The following CSMD2 variants were observed in gnomAD, a reference collection of about 807,000 sequenced individuals.
CSMD2 encodes CUB and sushi domain-containing protein 2.
A neutral mutation model predicts 398.5 loss-of-function variants in CSMD2; 130 were observed. The observed-to-expected ratio is 0.33, with a 90% CI of 0.28 to 0.38. The LOEUF (loss-of-function observed/expected upper bound fraction) is 0.38, where lower values mean the gene tolerates loss of function less well. CSMD2 is among the 10% of genes least tolerant of loss of function. The pLI is 1.00. For synonymous variants in CSMD2, 1,828 were observed against 1,908.5 expected, an observed-to-expected ratio of 0.96 and a Z score of 1.10; for missense variants, 3,829 against 4,764.9, an observed-to-expected ratio of 0.80 and a Z score of 5.78.
chr1:34,074,956 G>A (rs757435931), intron 2 of CSMD2, among the ~76,000 whole-genome samples: 1 of 152,198 alleles, frequency 6.6e-6, no homozygotes, highest in African/African-American at 2.4e-5. Context: ...CCCCCAAGGC[G>A]AGGTCAGGTT....
At chr1:33,714,198 T>C (rs1646084932) in intron 21 of CSMD2, among the ~76,000 whole-genome samples, 1 of 152,196 alleles carries the variant, frequency 6.6e-6, no homozygotes, top group East Asian at 1.9e-4. Flanking sequence ...GCAAAGGTCA[T>C]ATACCCCTCC....
intron 9 of CSMD2, among the ~76,000 whole-genome samples, chr1:33,816,146 T>C (rs2124981689): frequency 6.6e-6 from 1 of 152,300 alleles, no homozygotes; most frequent in Middle Eastern, 3.4e-3. Flanking sequence ...AGTCGGAACT[T>C]TAACTTAGGT....
At chr1:33,593,102 A>G (rs779446627) in intron 44 of CSMD2, among the ~76,000 whole-genome samples, 4 of 152,258 alleles carry the variant, frequency 2.6e-5, no homozygotes, top group Non-Finnish European at 5.9e-5. Flanking sequence ...TAATAAATAT[A>G]TACCACATGT....
At chr1:33,606,879 C>T (rs768895826) in intron 41 of CSMD2, among the ~76,000 whole-genome samples, 2 of 152,144 alleles carry the variant, frequency 1.3e-5, no homozygotes, top group Non-Finnish European at 2.9e-5. Context: ...GAGCCTGTTC[C>T]CCTGCAAGAA....
chr1:33,725,651 G>T, intron 16 of CSMD2, 115 bp from the exon 17 acceptor site: 1 of 884,500 alleles, frequency 1.1e-6, no homozygotes, highest in Non-Finnish European at 1.8e-6. Flanking sequence ...GGCAGGCTGG[G>T]ATCTTTTAAT....
intron 3 of CSMD2, among the ~76,000 whole-genome samples, chr1:34,010,688 G>A (rs575118049): frequency 7.3e-5 from 11 of 151,646 alleles, no homozygotes; most frequent in Middle Eastern, 3.4e-3. Context: ...GCACGATCTC[G>A]GCTCACTGCA....
At chr1:34,063,538 T>C (rs976728422) in intron 2 of CSMD2, among the ~76,000 whole-genome samples, 2 of 152,178 alleles carry the variant, frequency 1.3e-5, no homozygotes. Flanking sequence ...CTCCTTTGAC[T>C]CCATGTCTCA....
intron 22 of CSMD2, among the ~76,000 whole-genome samples, chr1:33,703,799 G>A (rs892972249): frequency 5.3e-5 from 8 of 152,156 alleles, no homozygotes; most frequent in Non-Finnish European, 8.8e-5. Context: ...CACCAGCAAC[G>A]TCTGACAGCT....
At chr1:33,670,148 T>A (rs1312178052) in intron 25 of CSMD2, among the ~76,000 whole-genome samples, 1 of 152,166 alleles carries the variant, frequency 6.6e-6, no homozygotes, top group Admixed American at 6.5e-5. Context: ...TCCACAGGCT[T>A]CTCCTTGTCC....
At chr1:33,557,497 C>G (rs187923624) in intron 55 of CSMD2, among the ~76,000 whole-genome samples, 15 of 152,178 alleles carry the variant, frequency 9.9e-5, no homozygotes, top group Non-Finnish European at 1.9e-4. Flanking sequence ...AGGCCTCTAG[C>G]TAGGAAAGTG....
At chr1:34,111,475 T>C (rs981604425) in intron 1 of CSMD2, among the ~76,000 whole-genome samples, 9 of 152,230 alleles carry the variant, frequency 5.9e-5, no homozygotes, top group Non-Finnish European at 8.8e-5. Flanking sequence ...TGCCACAGGA[T>C]GCATGTGTCA....
chr1:33,796,793 A>G (rs1655001583), intron 10 of CSMD2, among the ~76,000 whole-genome samples: 1 of 152,224 alleles, frequency 6.6e-6, no homozygotes, highest in African/African-American at 2.4e-5. Flanking sequence ...ATGTGCAAGT[A>G]GGGAAGATAT....
intron 56 of CSMD2, among the ~76,000 whole-genome samples, chr1:33,548,197 C>A (rs1657092382): frequency 6.6e-6 from 1 of 152,108 alleles, no homozygotes; most frequent in African/African-American, 2.4e-5. Flanking sequence ...AATTACCAGG[C>A]TCAGGTATGT....
At chr1:34,035,608 C>T (rs1333878105) in intron 2 of CSMD2, among the ~76,000 whole-genome samples, 1 of 151,780 alleles carries the variant, frequency 6.6e-6, no homozygotes, top group Non-Finnish European at 1.5e-5. Context: ...AGAAAAATCA[C>T]ATGACCACAT....
chr1:33,580,285 C>T (rs1314763684), intron 48 of CSMD2, among the ~76,000 whole-genome samples: 1 of 152,074 alleles, frequency 6.6e-6, no homozygotes, highest in Non-Finnish European at 1.5e-5. Flanking sequence ...TTTTTTCAGT[C>T]CTTATAGATT....
At chr1:34,029,805 C>A (rs1214314701) in intron 3 of CSMD2, among the ~76,000 whole-genome samples, 2 of 152,204 alleles carry the variant, frequency 1.3e-5, no homozygotes, top group African/African-American at 4.8e-5. Context: ...TTTGCAGGGG[C>A]CTTGCCTACA....
At chr1:33,930,535 TAAGCA>T (rs1372771934) in intron 4 of CSMD2, among the ~76,000 whole-genome samples, 1 of 152,216 alleles carries the variant, frequency 6.6e-6, no homozygotes, top group Non-Finnish European at 1.5e-5. Flanking sequence ...CCTCAGAGGC[TAAGCA>T]CTTCTTGCTC....
chr1:33,750,388 G>C (rs1396844230), intron 13 of CSMD2, among the ~76,000 whole-genome samples: 1 of 152,078 alleles, frequency 6.6e-6, no homozygotes, highest in African/African-American at 2.4e-5. Flanking sequence ...CTCTGAGATA[G>C]GTACTATTAT....
chr1:33,972,710 C>T (rs1645817577), intron 3 of CSMD2, among the ~76,000 whole-genome samples: 1 of 152,178 alleles, frequency 6.6e-6, no homozygotes, highest in Non-Finnish European at 1.5e-5. Flanking sequence ...CTGCCAACAC[C>T]TTGACTGTAG....
Sources: gnomAD v4.1 joint callset for allele counts (sites outside exome capture counted in the v4.1 genomes callset) on GRCh38, gnomAD v4.1.1 for gene constraint, MANE v1.5 for transcripts, NCBI Gene and HGNC (gene_info 2026-07-23, HGNC 2026-07-21) for gene names.